The following SPOCK3 variants were observed in gnomAD, a reference collection of about 807,000 sequenced individuals.
SPOCK3 encodes testican-3.
SPOCK3 carries 30 observed loss-of-function variants against 56.6 expected under a neutral mutation model. That is an observed-to-expected ratio of 0.53 (90% CI 0.40 to 0.72). The LOEUF is 0.72. Among genes scored for constraint, SPOCK3 ranks in the 30% least tolerant of loss-of-function variants. The pLI is 0.00. For synonymous variants in SPOCK3, 196 were observed against 183.3 expected (o/e 1.07, Z -0.56); for missense variants, 527 against 530.0 (o/e 0.99, Z 0.06).
At chr4:166,831,734 G>A (rs527270011) in intron 6 of SPOCK3, among the ~76,000 whole-genome samples, 2 of 142,264 alleles carry the variant, frequency 1.4e-5, no homozygotes, top group Admixed American at 1.4e-4. Flanking sequence ...ACATCTTTCG[G>A]TATCATCAAT....
intron 2 of SPOCK3, among the ~76,000 whole-genome samples, chr4:167,109,257 TTTA>T (rs1354569952): frequency 1.0e-4 from 9 of 89,768 alleles, no homozygotes; most frequent in South Asian, 7.2e-4. Flanking sequence ...TTATTATATA[TTTA>T]TTATTATTAT....
At chr4:167,089,587 C>A (rs1311909833) in intron 2 of SPOCK3, among the ~76,000 whole-genome samples, 1 of 152,006 alleles carries the variant, frequency 6.6e-6, no homozygotes, top group African/African-American at 2.4e-5. Flanking sequence ...TTTTTAACCC[C>A]ACAAATCAGA....
At chr4:166,834,970 G>A (rs1163192221) in intron 6 of SPOCK3, among the ~76,000 whole-genome samples, 1 of 151,958 alleles carries the variant, frequency 6.6e-6, no homozygotes, top group African/African-American at 2.4e-5. Context: ...AATTTGGATG[G>A]TTTTTACTCT....
intron 4 of SPOCK3, among the ~76,000 whole-genome samples, chr4:166,981,776 C>A (rs1337885199): frequency 6.6e-6 from 1 of 151,998 alleles, no homozygotes; most frequent in Non-Finnish European, 1.5e-5. Context: ...GGCACCCTGG[C>A]AGTCTACACC....
At chr4:167,015,341 G>A (rs1017756183) in intron 3 of SPOCK3, among the ~76,000 whole-genome samples, 2 of 152,100 alleles carry the variant, frequency 1.3e-5, no homozygotes, top group African/African-American at 2.4e-5. Context: ...TTTTAAAACT[G>A]AGACTATTTT....
chr4:166,820,117 A>T (rs13146185), intron 6 of SPOCK3, among the ~76,000 whole-genome samples: 1 of 152,036 alleles, frequency 6.6e-6, no homozygotes, highest in Non-Finnish European at 1.5e-5. Context: ...TTTTTCGGAA[A>T]CAAGCAAGTT....
Position 167,100,422 on chromosome 4 carries a change from TTC to T in SPOCK3, c.190-37887_190-37886del, listed in dbSNP as rs1320410774. On this transcript the variant is annotated intron_variant, in intron 2 of 10. Transcript: ENST00000357545. ...CTGTCTCTGTCTCTCTCTCTCTCTC[TTC>T]TCTCTTTCTTTCTCTCTGTCTCTCT... Among the ~76,000 whole-genome samples the T allele has an allele frequency of 6.6e-5, 10 of 151,178 alleles. No individual in the cohort carries two copies. In the East Asian group the frequency reaches 1.7e-3, roughly 26 times the overall value.
intron 3 of SPOCK3, among the ~76,000 whole-genome samples, chr4:167,061,265 T>A (rs1755577387): frequency 6.6e-6 from 1 of 152,014 alleles, no homozygotes; most frequent in Admixed American, 6.6e-5. Context: ...AAAATTCATT[T>A]CCCAAGAAAG....
chr4:167,078,150 A>G (rs1370662410), intron 2 of SPOCK3, among the ~76,000 whole-genome samples: 1 of 151,976 alleles, frequency 6.6e-6, no homozygotes, highest in Non-Finnish European at 1.5e-5. Flanking sequence ...AAGATGTTTC[A>G]TGCAGAAGTA....
chr4:166,987,461 ACTGT>A (rs1160997031), intron 4 of SPOCK3, among the ~76,000 whole-genome samples: 4 of 152,222 alleles, frequency 2.6e-5, no homozygotes, highest in South Asian at 2.1e-4. Context: ...TGATTTCTTT[ACTGT>A]CTGTCTTCCA....
In SPOCK3 at chr4:167,087,092, G is replaced by A. The variant is rs1017000963; in HGVS notation, c.190-24555C>T. Among the ~76,000 whole-genome samples the A allele has an allele frequency of 3.3e-5, 5 of 152,070 alleles. No individual in the cohort carries two copies. In the East Asian group the frequency reaches 9.7e-4, roughly 29 times the overall value. ...ACAAAATGATCTAAATAATTTGTCG[G>A]CAAATAATTTTATTTCTTAGATAAT... is the stretch of plus-strand genomic sequence containing the variant. On this transcript the variant is annotated intron_variant, in intron 2 of 10. Transcript: ENST00000357545.
At chr4:167,173,209 C>T (rs1438059959) in intron 2 of SPOCK3, among the ~76,000 whole-genome samples, 1 of 152,082 alleles carries the variant, frequency 6.6e-6, no homozygotes, top group Non-Finnish European at 1.5e-5. Context: ...AGAAGTGGCA[C>T]TTTATTTGAT....
intron 2 of SPOCK3, among the ~76,000 whole-genome samples, chr4:167,101,349 C>T (rs974062212): frequency 6.6e-6 from 1 of 152,044 alleles, no homozygotes; most frequent in Non-Finnish European, 1.5e-5. Flanking sequence ...GTTAGTCTCC[C>T]TACTTATTCC....
At chr4:166,926,545 G>GGT (rs1554003018) in intron 4 of SPOCK3, among the ~76,000 whole-genome samples, 2 of 151,150 alleles carry the variant, frequency 1.3e-5, no homozygotes, top group African/African-American at 4.9e-5. Flanking sequence ...TGCTTTTTTT[G>GGT]TTTTTTTTGA....
intron 2 of SPOCK3, among the ~76,000 whole-genome samples, chr4:167,169,622 G>A (rs1318072912): frequency 1.3e-5 from 2 of 152,114 alleles, no homozygotes; most frequent in African/African-American, 4.8e-5. Flanking sequence ...ATGAGAATTT[G>A]GACTGTGGAC....
intron 2 of SPOCK3, among the ~76,000 whole-genome samples, chr4:167,104,652 G>T (rs1234593308): frequency 1.3e-5 from 2 of 152,002 alleles, no homozygotes; most frequent in South Asian, 4.1e-4. Flanking sequence ...TAAAGAAAAA[G>T]ATAGAGGTAG....
intron 2 of SPOCK3, among the ~76,000 whole-genome samples, chr4:167,082,400 T>C (rs1459578440): frequency 2.0e-5 from 3 of 152,038 alleles, no homozygotes; most frequent in African/African-American, 7.2e-5. Flanking sequence ...TTTTGTAAAC[T>C]ACTGCTGGCA....
At chr4:167,108,964 TAA>T (rs199580583) in intron 2 of SPOCK3, among the ~76,000 whole-genome samples, 1 of 82,684 alleles carries the variant, frequency 1.2e-5, no homozygotes, top group African/African-American at 6.8e-5. Flanking sequence ...ATTATATATA[TAA>T]ATATATAAAT....
At chr4:166,863,379 G>A (rs769140187) in intron 6 of SPOCK3, among the ~76,000 whole-genome samples, 6 of 151,988 alleles carry the variant, frequency 3.9e-5, no homozygotes, top group Admixed American at 6.6e-5. Flanking sequence ...TTGCATCAAC[G>A]AATGTGCAAA....
Sources: gnomAD v4.1 joint callset for allele counts (sites outside exome capture counted in the v4.1 genomes callset) on GRCh38, gnomAD v4.1.1 for gene constraint, MANE v1.5 for transcripts, NCBI Gene and HGNC (gene_info 2026-07-23, HGNC 2026-07-21) for gene names.